The following FTO variants were observed in gnomAD, a reference collection of about 807,000 sequenced individuals.
FTO encodes the protein alpha-ketoglutarate-dependent dioxygenase FTO.
Under a neutral mutation model 63.9 loss-of-function variants are expected in FTO, and 47 were observed. The ratio of observed to expected loss-of-function variants is 0.74; its 90% CI spans 0.58 to 0.94. The LOEUF (loss-of-function observed/expected upper bound fraction) is 0.94. Ranked by LOEUF, FTO falls within the 40% of genes least tolerant of loss-of-function variation. The pLI is 0.00. For missense variants in FTO, 562 were observed against 618.1 expected, an observed-to-expected ratio of 0.91 and a Z score of 0.96; for synonymous variants, 207 against 224.4, an observed-to-expected ratio of 0.92 and a Z score of 0.69.
intron 4 of FTO, among the ~76,000 whole-genome samples, chr16:53,852,099 T>TATAAAA (rs2079817355): frequency 4.8e-5 from 1 of 21,010 alleles, no homozygotes; most frequent in Non-Finnish European, 8.1e-5. Flanking sequence ...CTACAAAAAA[T>TATAAAA]ACAAAAAAAA....
intron 2 of FTO, among the ~76,000 whole-genome samples, chr16:53,820,623 T>A (rs1303020611): frequency 1.5e-5 from 2 of 137,328 alleles, no homozygotes. Flanking sequence ...ATGCTATCCC[T>A]CCCCCTCCCC....
chr16:53,948,669 T>C (rs758741821), intron 8 of FTO, among the ~76,000 whole-genome samples: 4 of 152,250 alleles, frequency 2.6e-5, no homozygotes, highest in Non-Finnish European at 5.9e-5. Context: ...ATATTGTATG[T>C]GTATGCTTCC....
At chr16:54,103,126 G>T (rs748722334) in intron 8 of FTO, among the ~76,000 whole-genome samples, 1 of 152,186 alleles carries the variant, frequency 6.6e-6, no homozygotes, top group African/African-American at 2.4e-5. Flanking sequence ...TCCAGCCTGG[G>T]TGATGGAGTG....
chr16:54,080,192 G>A (rs1220533491), intron 8 of FTO, among the ~76,000 whole-genome samples: 4 of 152,158 alleles, frequency 2.6e-5, no homozygotes, highest in Non-Finnish European at 4.4e-5. Flanking sequence ...TTCAAGACCA[G>A]CCTGGTTAAC....
chr16:53,750,988 T>G (rs2076775633), intron 1 of FTO, among the ~76,000 whole-genome samples: 1 of 152,252 alleles, frequency 6.6e-6, no homozygotes, highest in South Asian at 2.1e-4. Context: ...TGTTTAAACC[T>G]AAGTATGGAC....
At chr16:53,853,640 A>G (rs2079882232) in intron 4 of FTO, among the ~76,000 whole-genome samples, 2 of 152,192 alleles carry the variant, frequency 1.3e-5, no homozygotes, top group African/African-American at 2.4e-5. Flanking sequence ...ACGTTGCTGC[A>G]AAAGACATGA....
At chr16:53,950,278 T>G (rs890503949) in intron 8 of FTO, among the ~76,000 whole-genome samples, 4 of 151,644 alleles carry the variant, frequency 2.6e-5, no homozygotes, top group Admixed American at 2.6e-4. Flanking sequence ...ATAAATGGAC[T>G]GGAGCTTTTG....
intron 6 of FTO, among the ~76,000 whole-genome samples, chr16:53,880,758 C>T (rs1320384967): frequency 6.6e-6 from 1 of 151,980 alleles, no homozygotes; most frequent in African/African-American, 2.4e-5. Flanking sequence ...CTCTGAAAAG[C>T]CCCACCTCTT....
At chr16:54,071,795 G>A (rs1355277697) in intron 8 of FTO, 1 of 152,146 alleles carries the variant, frequency 6.6e-6, no homozygotes, top group Non-Finnish European at 1.5e-5. Context: ...ATGTAAACAT[G>A]TTTGAGTAGA....
chr16:53,977,081 T>C lies in FTO; in HGVS notation c.1364+42972T>C, dbSNP rs367548537. Among the ~76,000 whole-genome samples, 5 of 152,268 alleles carry C rather than the reference T, an allele frequency of 3.3e-5. No individual in the cohort carries two copies. The South Asian group carries it at 8.3e-4, about 25-fold the overall frequency. Reference sequence around the variant, plus strand: ...TTTGATTTTTTTTCCTGTTGTTAATTAGGATATTTCAAAAGTTTTGCAGTT... The same window carrying C: ...TTTGATTTTTTTTCCTGTTGTTAATCAGGATATTTCAAAAGTTTTGCAGTT... On this transcript the variant is annotated intron_variant, in intron 8 of 8. Transcript: ENST00000471389.
At chr16:53,779,454 C>T (rs1299747152) in intron 1 of FTO, among the ~76,000 whole-genome samples, 1 of 152,114 alleles carries the variant, frequency 6.6e-6, no homozygotes, top group Non-Finnish European at 1.5e-5. Flanking sequence ...CACACAGAAA[C>T]TGTTTTAATT....
At chr16:53,842,363 C>T (rs1470947504) in intron 3 of FTO, among the ~76,000 whole-genome samples, 1 of 152,154 alleles carries the variant, frequency 6.6e-6, no homozygotes, top group Non-Finnish European at 1.5e-5. Flanking sequence ...ATCCCACATG[C>T]CTGGTGCAAT....
intron 8 of FTO, among the ~76,000 whole-genome samples, chr16:53,942,160 G>A (rs1028841547): frequency 3.9e-5 from 6 of 152,206 alleles, no homozygotes; most frequent in Non-Finnish European, 8.8e-5. Flanking sequence ...ATGGATCTCT[G>A]ATATTGGAAG....
chr16:54,080,878 C>T (rs1216274482), intron 8 of FTO, among the ~76,000 whole-genome samples: 1 of 152,066 alleles, frequency 6.6e-6, no homozygotes, highest in Admixed American at 6.6e-5. Context: ...CTTAATAGAC[C>T]ACAAAAGTCA....
upstream of FTO, chr16:53,704,144 T>G (rs951243485): frequency 1.3e-6 from 2 of 1,548,460 alleles, no homozygotes; most frequent in Non-Finnish European, 1.7e-6. Flanking sequence ...GGGCGAGGGA[T>G]CTACGCAGCT....
chr16:53,779,062 T>G (rs1271795661), intron 1 of FTO, among the ~76,000 whole-genome samples: 1 of 152,172 alleles, frequency 6.6e-6, no homozygotes, highest in African/African-American at 2.4e-5. Flanking sequence ...TGTAAGCCTT[T>G]GATTGCTTTA....
intron 8 of FTO, among the ~76,000 whole-genome samples, chr16:53,988,084 G>A (rs1003900343): frequency 1.3e-5 from 2 of 152,090 alleles, no homozygotes; most frequent in Admixed American, 6.6e-5. Flanking sequence ...TTCAGACAAA[G>A]TCATTTATCT....
chr16:53,888,474 C>A (rs2081066502), intron 6 of FTO, among the ~76,000 whole-genome samples: 4 of 83,928 alleles, frequency 4.8e-5, no homozygotes, highest in Admixed American at 4.3e-4. Context: ...TTATTAGTAG[C>A]TTGGCCAATT....
At chr16:53,739,504 G>GTGC (rs969762201) in intron 1 of FTO, among the ~76,000 whole-genome samples, 1 of 151,920 alleles carries the variant, frequency 6.6e-6, no homozygotes, top group African/African-American at 2.4e-5. Flanking sequence ...GTGAGCCACT[G>GTGC]TGCCTGGCCT....
Sources: gnomAD v4.1 joint callset for allele counts (sites outside exome capture counted in the v4.1 genomes callset) on GRCh38, gnomAD v4.1.1 for gene constraint, MANE v1.5 for transcripts, NCBI Gene and HGNC (gene_info 2026-07-23, HGNC 2026-07-21) for gene names.